PBX3: variants seen among roughly 807,000 people sequenced by gnomAD.
PBX3 encodes PBX homeobox 3, also known as pre-B-cell leukemia transcription factor 3.
Under a neutral mutation model 48.5 loss-of-function variants are expected in PBX3, and 14 were observed. That is an observed-to-expected ratio of 0.29 (90% CI 0.19 to 0.45). The LOEUF is 0.45. Among genes scored for constraint, PBX3 ranks in the 20% least tolerant of loss-of-function variants. The probability of loss-of-function intolerance (pLI) is 1.00; values close to 1 mark genes in which losing one functional copy is unlikely to be tolerated. For synonymous variants in PBX3, 210 were observed against 200.3 expected (o/e 1.05, Z -0.41); for missense variants, 386 against 546.7 (o/e 0.71, Z 2.93).
chr9:125,834,613 G>T (rs1256019102), intron 2 of PBX3, among the ~76,000 whole-genome samples: 1 of 151,344 alleles, frequency 6.6e-6, no homozygotes, highest in Admixed American at 6.6e-5. Flanking sequence ...GACTAAGCCG[G>T]TCTTGAACTC....
intron 2 of PBX3, among the ~76,000 whole-genome samples, chr9:125,782,206 C>T (rs572154347): frequency 2.3e-4 from 35 of 152,274 alleles, no homozygotes; most frequent in Admixed American, 2.2e-3. Context: ...GTGAAGGGGA[C>T]GTCTCACATG....
intron 2 of PBX3, among the ~76,000 whole-genome samples, chr9:125,913,370 C>T (rs888363289): frequency 1.3e-4 from 20 of 151,966 alleles, no homozygotes; most frequent in African/African-American, 7.2e-5. Flanking sequence ...AAGAGTAAAA[C>T]GTTATAGTAA....
intron 2 of PBX3, among the ~76,000 whole-genome samples, chr9:125,859,185 C>T (rs1430949439): frequency 2.6e-5 from 4 of 152,188 alleles, no homozygotes; most frequent in Non-Finnish European, 5.9e-5. Context: ...TTTCATCTTT[C>T]AGGTCTCAGC....
At chr9:125,900,096 C>T (rs1183385702) in intron 2 of PBX3, among the ~76,000 whole-genome samples, 2 of 151,580 alleles carry the variant, frequency 1.3e-5, no homozygotes, top group African/African-American at 4.8e-5. Context: ...GTAATATCCA[C>T]CCTAATTTGG....
Position 125,747,453 on chromosome 9 carries a change from G to A in PBX3, c.-1G>A. On this transcript the variant is annotated 5_prime_UTR_variant, in exon 1 of 9. Coordinates refer to ENST00000373489, the MANE Select transcript of PBX3 (RefSeq NM_006195.6). ...GCCCGCTCCCGCCCGCGCGCGGCGG[G>A]ATGGACGATCAATCCAGGATGCTGC... The A allele has an allele frequency of 1.3e-6, 2 of 1,503,026 alleles. No homozygotes were observed. Among genetic ancestry groups the A allele is most frequent in the Non-Finnish European group, 8.9e-7 (1 of 1,124,214 alleles). 93.1% of individuals were successfully genotyped at this position (1,503,026 alleles called of 1,614,324 possible).
chr9:125,784,192 G>T (rs1284551468), intron 2 of PBX3, among the ~76,000 whole-genome samples: 1 of 152,072 alleles, frequency 6.6e-6, no homozygotes. Context: ...ACAGTGGTGC[G>T]ATCTTGGCTC....
chr9:125,963,158 T>C, intron 8 of PBX3, 57 bp downstream of exon 8: 1 of 904,220 alleles, frequency 1.1e-6, no homozygotes, highest in Non-Finnish European at 1.7e-6. Context: ...CAGTGACTAA[T>C]AAAGAAATTA....
chr9:125,750,102 C>G (rs1836329888), intron 2 of PBX3, among the ~76,000 whole-genome samples: 1 of 152,168 alleles, frequency 6.6e-6, no homozygotes, highest in African/African-American at 2.4e-5. Flanking sequence ...AGTTTAGAAG[C>G]TTAAAAGTAT....
chr9:125,763,648 C>T (rs1050544290), intron 2 of PBX3, among the ~76,000 whole-genome samples: 14 of 152,086 alleles, frequency 9.2e-5, no homozygotes, highest in African/African-American at 3.4e-4. Context: ...GAGGAGCGAA[C>T]GGTGCTGTAA....
chr9:125,807,203 A>G (rs1315467277), intron 2 of PBX3, among the ~76,000 whole-genome samples: 1 of 152,160 alleles, frequency 6.6e-6, no homozygotes, highest in Non-Finnish European at 1.5e-5. Flanking sequence ...ATGTGCCTGT[A>G]GTCCTAGCTA....
chr9:125,772,488 T>C (rs934568011), intron 2 of PBX3, among the ~76,000 whole-genome samples: 1 of 152,200 alleles, frequency 6.6e-6, no homozygotes, highest in Non-Finnish European at 1.5e-5. Flanking sequence ...GTAAGAGTAG[T>C]CTGGGAGGCA....
chr9:125,797,552 T>C (rs771637621), intron 2 of PBX3: 2 of 152,136 alleles, frequency 1.3e-5, no homozygotes, highest in Non-Finnish European at 2.9e-5. Context: ...AAGATAAATT[T>C]TATTGTGTGT....
chr9:125,800,256 A>G (rs1837899996), intron 2 of PBX3, among the ~76,000 whole-genome samples: 1 of 152,216 alleles, frequency 6.6e-6, no homozygotes, highest in Admixed American at 6.5e-5. Context: ...GGTTGTATAT[A>G]TCAATAATGA....
intron 2 of PBX3, among the ~76,000 whole-genome samples, chr9:125,823,889 A>G (rs1838731276): frequency 6.6e-6 from 1 of 152,102 alleles, no homozygotes; most frequent in African/African-American, 2.4e-5. Context: ...CAGCTTGGCC[A>G]ACATGGTGAA....
intron 3 of PBX3, among the ~76,000 whole-genome samples, chr9:125,923,666 A>G (rs1349615991): frequency 1.3e-5 from 2 of 152,100 alleles, no homozygotes; most frequent in African/African-American, 4.8e-5. Context: ...CCTGGGCTCA[A>G]GTGATTCTCC....
intron 5 of PBX3, among the ~76,000 whole-genome samples, chr9:125,949,055 C>G (rs1269240504): frequency 6.6e-6 from 1 of 152,196 alleles, no homozygotes; most frequent in African/African-American, 2.4e-5. Flanking sequence ...GCCACCGCAC[C>G]CATCCAGTGC....
At chr9:125,820,400 G>C (rs1323218602) in intron 2 of PBX3, among the ~76,000 whole-genome samples, 3 of 152,120 alleles carry the variant, frequency 2.0e-5, no homozygotes, top group Admixed American at 2.0e-4. Context: ...AAATGAAATG[G>C]GTTTTAAAAG....
chr9:125,843,865 G>C, intron 2 of PBX3: 1 of 455,368 alleles, frequency 2.2e-6, no homozygotes, highest in South Asian at 1.6e-5. Context: ...ACAGCTTAAT[G>C]GGGTCATTTG....
rs1186925250 is a variant in PBX3 at position 125,864,477 on chromosome 9, T to C, written c.275-51209T>C. ...TATTTCTATTATTATTACATTGTAA[T>C]ATATAATGAAATAATTACACAACTT... On this transcript the variant is annotated intron_variant, in intron 2 of 8. Coordinates refer to ENST00000373489, the MANE Select transcript of PBX3 (RefSeq NM_006195.6). Among the ~76,000 whole-genome samples the C allele has an allele frequency of 2.0e-5, 3 of 152,334 alleles. No individual in the cohort carries two copies. The East Asian group carries it at 5.8e-4, about 29-fold the overall frequency.
Sources: allele counts gnomAD v4.1 joint callset (sites outside exome capture counted in the v4.1 genomes callset), GRCh38; gene constraint gnomAD v4.1.1; transcripts MANE v1.5; gene names NCBI Gene and HGNC (gene_info 2026-07-23, HGNC 2026-07-21).